The following CDK8 variants were observed in gnomAD, a reference collection of about 807,000 sequenced individuals.
CDK8 encodes cyclin-dependent kinase 8.
A neutral mutation model predicts 71.5 loss-of-function variants in CDK8; 29 were observed. The ratio of observed to expected loss-of-function variants is 0.41; its 90% CI spans 0.30 to 0.55. The LOEUF (loss-of-function observed/expected upper bound fraction) is 0.55. CDK8 is among the 20% of genes least tolerant of loss of function. CDK8 has a pLI of 0.37. For synonymous variants in CDK8, 161 were observed against 192.1 expected (o/e 0.84, Z 1.34); for missense variants, 288 against 572.6 (o/e 0.50, Z 5.07).
chr13:26,340,274 G>A (rs1873186387), intron 2 of CDK8, among the ~76,000 whole-genome samples: 1 of 151,844 alleles, frequency 6.6e-6, no homozygotes, highest in Admixed American at 6.6e-5. Context: ...ATTTTTAAAC[G>A]TGAGGTATTT....
intron 6 of CDK8, among the ~76,000 whole-genome samples, chr13:26,386,262 T>C (rs1875471001): frequency 6.6e-6 from 1 of 152,234 alleles, no homozygotes; most frequent in South Asian, 2.1e-4. Context: ...AGTTGTGCAT[T>C]TAATGCTCAG....
chr13:26,313,191 G>T (rs971222526), intron 1 of CDK8, among the ~76,000 whole-genome samples: 5 of 152,106 alleles, frequency 3.3e-5, no homozygotes, highest in African/African-American at 1.2e-4. Context: ...GCTTGGTAGA[G>T]TTTTTTCTTG....
chr13:26,405,081 G>A lies in CDK8; in HGVS notation c.*1000G>A, dbSNP rs540899493. Reference sequence around the variant, plus strand: ...TACTTCAGCAAAGGAGAAGGAGTAGGAGAGCCTTAGAATTTTTGAGGAAAA... The same window carrying A: ...TACTTCAGCAAAGGAGAAGGAGTAGAAGAGCCTTAGAATTTTTGAGGAAAA... On this transcript the variant is annotated 3_prime_UTR_variant, in exon 13 of 13. Transcript: ENST00000381527. 3.4e-4 allele frequency: 62 copies of A among 181,916 alleles called. No individual in the cohort carries two copies. Among genetic ancestry groups the A allele is most frequent in the African/African-American group, 1.4e-3 (58 of 42,542 alleles). 11.3% of individuals were successfully genotyped at this position (181,916 alleles called of 1,614,324 possible).
At chr13:26,261,059 T>C (rs1204149259) in intron 1 of CDK8, among the ~76,000 whole-genome samples, 4 of 152,258 alleles carry the variant, frequency 2.6e-5, no homozygotes, top group Non-Finnish European at 4.4e-5. Flanking sequence ...AGAAATTATC[T>C]TTTCTCTTTA....
chr13:26,388,508 T>G (rs1020992157), intron 6 of CDK8, among the ~76,000 whole-genome samples: 7 of 152,192 alleles, frequency 4.6e-5, no homozygotes, highest in Non-Finnish European at 8.8e-5. Flanking sequence ...TGGTAAAGCA[T>G]ATTAACAAAC....
At chr13:26,255,248 A>G (rs1184410120) in intron 1 of CDK8, among the ~76,000 whole-genome samples, 1 of 152,160 alleles carries the variant, frequency 6.6e-6, no homozygotes, top group African/African-American at 2.4e-5. Context: ...TTATTTGAGG[A>G]AAGGAAGGCA....
intron 1 of CDK8, among the ~76,000 whole-genome samples, chr13:26,293,426 A>C (rs1252809358): frequency 6.6e-6 from 1 of 151,810 alleles, no homozygotes; most frequent in Non-Finnish European, 1.5e-5. Context: ...AACACAGTGA[A>C]ACCCCATCTC....
chr13:26,401,017 A>G lies in CDK8; in HGVS notation c.1032-252A>G, dbSNP rs1194263578. Among the ~76,000 whole-genome samples the G allele has an allele frequency of 2.0e-5, 3 of 152,220 alleles. No homozygotes were observed. Among genetic ancestry groups the G allele is most frequent in the Non-Finnish European group, 4.4e-5 (3 of 68,046 alleles). ...ATTAATAGAAGAGTAATGCTGGGAT[A>G]AAAGAAGAAAGCTGAATCATACTCG... On this transcript the variant is annotated intron_variant, in intron 10 of 12. Coordinates refer to ENST00000381527, the MANE Select transcript of CDK8 (RefSeq NM_001260.3). The surrounding 1 kb of genome is among the most constrained non-coding windows in gnomAD (Gnocchi z 4.5).
chr13:26,385,780 C>G (rs115271175), intron 6 of CDK8, among the ~76,000 whole-genome samples: 85 of 152,150 alleles, frequency 5.6e-4, no homozygotes, highest in African/African-American at 1.9e-3. Context: ...CAAGGCCTAA[C>G]CCAACATTCT....
chr13:26,404,946 A>C lies in CDK8; in HGVS notation c.*865A>C, dbSNP rs1018935763. The C allele has an allele frequency of 4.9e-6, 1 of 203,206 alleles. No individual in the cohort carries two copies. Among genetic ancestry groups the C allele is most frequent in the African/African-American group, 2.3e-5 (1 of 43,644 alleles). The allele number at this position is 203,206 out of a possible 1,614,324, so 12.6% of individuals were successfully genotyped here. The stretch of plus-strand genomic sequence containing the variant: ...CTTCCTTAAAAAGGTGCGGCATCCA[A>C]TTCAAATATTTTCGTCCTGATTTTA... On this transcript the variant is annotated 3_prime_UTR_variant, in exon 13 of 13. Coordinates refer to ENST00000381527, the MANE Select transcript of CDK8 (RefSeq NM_001260.3).
intron 1 of CDK8, among the ~76,000 whole-genome samples, chr13:26,335,496 T>C (rs1872939116): frequency 1.3e-5 from 2 of 152,154 alleles, no homozygotes; most frequent in Admixed American, 6.5e-5. Context: ...GCTCTTGAGC[T>C]TTAGTGTTTA....
intron 1 of CDK8, among the ~76,000 whole-genome samples, chr13:26,332,659 C>T (rs1008477930): frequency 2.0e-5 from 3 of 152,044 alleles, no homozygotes; most frequent in African/African-American, 7.2e-5. Flanking sequence ...TCTTCCAGTT[C>T]TTGAAGGAAA....
intron 1 of CDK8, among the ~76,000 whole-genome samples, chr13:26,264,553 A>G (rs2137859443): frequency 6.6e-6 from 1 of 152,264 alleles, no homozygotes; most frequent in African/African-American, 2.4e-5. Context: ...GCACACGAGA[A>G]ATTTTCTTAG....
At chr13:26,376,840 C>A (rs1233128597) in intron 4 of CDK8, among the ~76,000 whole-genome samples, 1 of 152,140 alleles carries the variant, frequency 6.6e-6, no homozygotes, top group Non-Finnish European at 1.5e-5. Context: ...TAATTTAAAG[C>A]TAATCTGAAC....
rs1386346801 is a variant in CDK8 at position 26,254,598 on chromosome 13, C to T, written c.-44C>T. The T allele has an allele frequency of 6.7e-7, 1 of 1,486,698 alleles. No individual in the cohort carries two copies. The highest frequency in any genetic ancestry group is 2.0e-5 in the Admixed American group (1 of 50,402). 92.1% of individuals were successfully genotyped at this position (1,486,698 alleles called of 1,614,324 possible). On this transcript the variant is annotated 5_prime_UTR_variant, in exon 1 of 13. Coordinates refer to ENST00000381527, the MANE Select transcript of CDK8 (RefSeq NM_001260.3). The surrounding 1 kb of genome is among the most constrained non-coding windows in gnomAD (Gnocchi z 6.7). ...TGCTTCCCCGGTCCCCACCCCTGCCCCCCGGCCCCCCGACCCAGCTCTCCG... is the reference window on the plus strand; with the variant it reads ...TGCTTCCCCGGTCCCCACCCCTGCCTCCCGGCCCCCCGACCCAGCTCTCCG...
intron 4 of CDK8, among the ~76,000 whole-genome samples, chr13:26,354,177 A>G (rs1873797887): frequency 6.6e-6 from 1 of 152,238 alleles, no homozygotes; most frequent in Non-Finnish European, 1.5e-5. Context: ...ATTATTAGAT[A>G]CAAGGCCAAC....
chr13:26,395,882 A>G (rs1330353617), intron 7 of CDK8, among the ~76,000 whole-genome samples: 3 of 152,198 alleles, frequency 2.0e-5, no homozygotes, highest in Non-Finnish European at 2.9e-5. Flanking sequence ...AAGATCTTAG[A>G]TTTCTCATTG....
intron 4 of CDK8, among the ~76,000 whole-genome samples, chr13:26,358,676 A>T (rs1413764363): frequency 6.6e-6 from 1 of 152,194 alleles, no homozygotes; most frequent in East Asian, 1.9e-4. Context: ...GGTCTCAAAG[A>T]GGTATTTGTA....
intron 1 of CDK8, among the ~76,000 whole-genome samples, chr13:26,335,155 C>T (rs187487863): frequency 3.2e-3 from 488 of 152,220 alleles, no homozygotes; most frequent in African/African-American, 0.011. Flanking sequence ...CCTTATTTTT[C>T]GCCTTCAAAG....
Sources: gnomAD v4.1 joint callset for allele counts (sites outside exome capture counted in the v4.1 genomes callset) on GRCh38, gnomAD v4.1.1 for gene constraint, Gnocchi (gnomAD v3.1) non-coding constraint, MANE v1.5 for transcripts, NCBI Gene and HGNC (gene_info 2026-07-23, HGNC 2026-07-21) for gene names.